Variants in ARHGAP8 observed in about 807,000 individuals in gnomAD.
The protein encoded by ARHGAP8 is Rho GTPase activating protein 8, also known as rho GTPase-activating protein 8.
ARHGAP8 carries 62 observed loss-of-function variants against 46.1 expected under a neutral mutation model. The observed-to-expected ratio is 1.34, with a 90% CI of 1.10 to 1.66. The LOEUF is 1.66. ARHGAP8 is among the 40% of genes most tolerant of loss of function. The pLI is 0.00. For synonymous variants in ARHGAP8, 375 were observed against 243.1 expected, an observed-to-expected ratio of 1.54 and a Z score of -5.05; for missense variants, 923 against 568.4, an observed-to-expected ratio of 1.62 and a Z score of -6.34.
rs1306208973 is a variant in ARHGAP8, at chr22:44,774,836, T to TG, written c.-71-11616dup. ...CGTGCCTGGCCTTTTTTTGGAGGGG[T>TG]GGGGGCGGGGGGCGGATGGAGTCTC... On this transcript the variant is annotated intron_variant, in intron 1 of 11. Transcript: ENST00000356099. 2.0e-5 allele frequency among the ~76,000 whole-genome samples: 3 copies of TG among 150,144 alleles called. No individual in the cohort carries two copies. In the East Asian group the frequency reaches 5.9e-4, roughly 29 times the overall value.
At chr22:44,851,612 TCC>T (rs1269007845) in intron 10 of ARHGAP8, among the ~76,000 whole-genome samples, 10 of 147,044 alleles carry the variant, frequency 6.8e-5, no homozygotes, top group Non-Finnish European at 1.5e-4. Context: ...ATCACTTGAG[TCC>T]AAGAGTTTGA....
chr22:44,833,286 A>G (rs956366283), intron 7 of ARHGAP8, among the ~76,000 whole-genome samples: 1 of 151,744 alleles, frequency 6.6e-6, no homozygotes, highest in Non-Finnish European at 1.5e-5. Context: ...TTTAGTAGAG[A>G]CAGGGTCTCA....
intron 2 of ARHGAP8, among the ~76,000 whole-genome samples, chr22:44,787,937 TTTTCCC>T (rs901569367): frequency 1.5e-5 from 2 of 136,268 alleles, no homozygotes; most frequent in African/African-American, 5.6e-5. Context: ...TTTTTTTTTT[TTTTCCC>T]CCCAAATGTC....
In ARHGAP8 at chr22:44,792,301, C is replaced by T. The variant is rs1349103306; in HGVS notation, c.79+5695C>T. 2.6e-5 allele frequency among the ~76,000 whole-genome samples: 4 copies of T among 152,262 alleles called. No homozygotes were observed. In the East Asian group the frequency reaches 7.7e-4, roughly 29 times the overall value. On this transcript the variant is annotated intron_variant, in intron 2 of 11. Coordinates refer to ENST00000356099, the MANE Select transcript of ARHGAP8 (RefSeq NM_181335.3). ...CTGGGATTACAGGCGTGAGCCACTG[C>T]ACCCGGCCTCCAGTTGCTTTTTCAG...
intron 5 of ARHGAP8, among the ~76,000 whole-genome samples, chr22:44,815,338 C>T (rs975422201): frequency 2.6e-5 from 4 of 152,176 alleles, no homozygotes; most frequent in Non-Finnish European, 5.9e-5. Flanking sequence ...CACGGAGCAT[C>T]CACCCGGCTG....
chr22:44,823,903 G>A (rs1216297148), intron 6 of ARHGAP8, among the ~76,000 whole-genome samples: 1 of 152,110 alleles, frequency 6.6e-6, no homozygotes, highest in Non-Finnish European at 1.5e-5. Flanking sequence ...ATGAGGTTTG[G>A]GAGAGGGGCT....
intron 4 of ARHGAP8, chr22:44,808,953 G>C (rs1929141965): frequency 7.8e-6 from 3 of 386,308 alleles, no homozygotes; most frequent in Non-Finnish European, 1.5e-5. Flanking sequence ...GAGTAGCTGG[G>C]ACTACAGGCG....
intron 1 of ARHGAP8, among the ~76,000 whole-genome samples, chr22:44,760,686 T>C (rs1336553545): frequency 6.6e-6 from 1 of 152,242 alleles, no homozygotes; most frequent in Non-Finnish European, 1.5e-5. Context: ...GGTCTATTTG[T>C]GTAATGTGCA....
At chr22:44,815,292 G>T (rs1026710558) in intron 5 of ARHGAP8, among the ~76,000 whole-genome samples, 23 of 152,182 alleles carry the variant, frequency 1.5e-4, no homozygotes, top group African/African-American at 5.5e-4. Flanking sequence ...CCGAGCCTTG[G>T]TGCCCAGGGT....
At chr22:44,780,929 C>T (rs1001650554) in intron 1 of ARHGAP8, among the ~76,000 whole-genome samples, 9 of 152,180 alleles carry the variant, frequency 5.9e-5, no homozygotes, top group Non-Finnish European at 8.8e-5. Flanking sequence ...AACTGAGGCT[C>T]AGAGGCACTG....
intron 8 of ARHGAP8, among the ~76,000 whole-genome samples, chr22:44,846,122 A>G (rs772959167): frequency 6.6e-6 from 1 of 152,242 alleles, no homozygotes; most frequent in East Asian, 1.9e-4. Flanking sequence ...GACCCCCTAA[A>G]GCAGACCCCA....
rs1232064543 is a variant in ARHGAP8 at position 44,825,516 on chromosome 22, C to T, written c.519C>T (p.Gly173=). The part of the protein sequence containing the change: ...YDEKLQSLHE[G]RTPPPTKTPP... ...AGAAGCTCCAGAGCCTGCACGAGGG[C>T]CGGACGCCGCCTCCCACCAAGACAC... The change falls in exon 7 of 12, where the codon GGC becomes GGT. Residue 173 remains glycine (G), a synonymous_variant. Coordinates refer to ENST00000356099, the MANE Select transcript of ARHGAP8 (RefSeq NM_181335.3). 6.2e-7 allele frequency: 1 copy of T among 1,613,258 alleles called. No homozygotes were observed. Among genetic ancestry groups the T allele is most frequent in the South Asian group, 1.1e-5 (1 of 91,008 alleles).
chr22:44,800,357 C>T (rs1025864444), intron 2 of ARHGAP8, among the ~76,000 whole-genome samples: 9 of 151,854 alleles, frequency 5.9e-5, no homozygotes, highest in Non-Finnish European at 1.3e-4. Flanking sequence ...CTGCCCGCCT[C>T]GGCCTCCCAA....
At chr22:44,855,036 G>C (rs2070187785) in intron 10 of ARHGAP8, among the ~76,000 whole-genome samples, 2 of 152,210 alleles carry the variant, frequency 1.3e-5, no homozygotes, top group South Asian at 4.1e-4. Context: ...GTTTGGCTTA[G>C]TTTCTATATT....
intron 1 of ARHGAP8, among the ~76,000 whole-genome samples, chr22:44,763,491 CAAAAAAAAAA>C (rs370437700): frequency 8.9e-5 from 7 of 78,506 alleles, no homozygotes; most frequent in Non-Finnish European, 1.4e-4. Flanking sequence ...GACTCTGTCT[CAAAAAAAAAA>C]AAAAAAAAAA....
At chr22:44,780,837 G>T (rs2147034905) in intron 1 of ARHGAP8, among the ~76,000 whole-genome samples, 1 of 152,286 alleles carries the variant, frequency 6.6e-6, no homozygotes, top group South Asian at 2.1e-4. Context: ...GGGTTGTGAG[G>T]CTTTAGTGAG....
chr22:44,756,700 T>C (rs1924710621), intron 1 of ARHGAP8, among the ~76,000 whole-genome samples: 1 of 151,436 alleles, frequency 6.6e-6, no homozygotes, highest in Admixed American at 6.6e-5. Flanking sequence ...GACCTCATGC[T>C]CCATAAATAC....
chr22:44,755,433 T>G (rs992375940), intron 1 of ARHGAP8, among the ~76,000 whole-genome samples: 2 of 152,214 alleles, frequency 1.3e-5, no homozygotes, highest in Non-Finnish European at 2.9e-5. Flanking sequence ...ATTATTTAAC[T>G]TTTACCCCTT....
At chr22:44,826,382 C>A (rs1930524161) in intron 7 of ARHGAP8, among the ~76,000 whole-genome samples, 1 of 152,158 alleles carries the variant, frequency 6.6e-6, no homozygotes, top group Non-Finnish European at 1.5e-5. Context: ...TGACCTTGAA[C>A]TCACCTCTTC....
Sources: allele counts gnomAD v4.1 joint callset (sites outside exome capture counted in the v4.1 genomes callset), GRCh38; gene constraint gnomAD v4.1.1; transcripts MANE v1.5; gene names NCBI Gene and HGNC (gene_info 2026-07-23, HGNC 2026-07-21).